CAPN12: variants seen among roughly 807,000 people sequenced by gnomAD.
CAPN12 encodes the protein calpain 12, also known as calpain-12.
A neutral mutation model predicts 95.0 loss-of-function variants in CAPN12; 107 were observed. The observed-to-expected ratio is 1.13, with a 90% CI of 0.96 to 1.32. The LOEUF is 1.32. CAPN12 is among the 40% of genes most tolerant of loss of function. CAPN12 has a pLI of 0.00. For missense variants in CAPN12, 1,136 were observed against 997.8 expected (o/e 1.14, Z -1.87); for synonymous variants, 505 against 415.5 (o/e 1.22, Z -2.62).
rs1970132377 is a variant in CAPN12, at chr19:38,736,240, C to T, written c.1453G>A (p.Ala485Thr). 4.0e-6 allele frequency: 6 copies of T among 1,485,040 alleles called. No individual in the cohort carries two copies. Among genetic ancestry groups the T allele is most frequent in the African/African-American group, 1.5e-5 (1 of 67,924 alleles). 92.0% of individuals were successfully genotyped at this position (1,485,040 alleles called of 1,614,324 possible). A position where few individuals can be genotyped will look rare whatever the true frequency, so the allele number is the denominator to read the frequency against. Reference protein sequence around the residue: ...LLRADRSPLSARRDVTRRCCL... With the variant: ...LLRADRSPLSTRRDVTRRCCL... ...CAGCGGCGGGTCACGTCGCGGCGGG[C>T]GCTGAGGGGCGAGCGGTCGGCGCGC... The change falls in exon 12 of 21, where the codon GCC becomes ACC. Residue 485 changes from alanine to threonine, a missense_variant. Physicochemically the swap from Ala to Thr is moderately conservative, Grantham distance 58 (BLOSUM62 0). Transcript: ENST00000328867.
At chr19:38,736,655 C>CT in intron 10 of CAPN12, 92 bp from the exon 11 acceptor site, 1 of 1,336,220 alleles carries the variant, frequency 7.5e-7, no homozygotes, top group Non-Finnish European at 1.0e-6. Context: ...TCTGTGCTCT[C>CT]TCCCTCCTTC....
In CAPN12 at chr19:38,741,827, C is replaced by G; in HGVS notation, c.510G>C (p.Ser170=). The G allele has an allele frequency of 6.2e-7, 1 of 1,614,072 alleles. No homozygotes were observed. Among genetic ancestry groups the G allele is most frequent in the South Asian group, 1.1e-5 (1 of 91,072 alleles). ...VREGKLMFVR[S]EQRNEFWAPL... is the part of the protein sequence containing the mutation. ...GGGCCCAGAACTCATTCCGCTGTTC[C>G]GAGCGCACGAACATCAGCTTCCCCT... The change falls in exon 4 of 21, where the codon TCG becomes TCC. Residue 170 remains serine, a synonymous_variant. Coordinates refer to ENST00000328867, the MANE Select transcript of CAPN12 (RefSeq NM_144691.4).
chr19:38,740,087 G>C lies in CAPN12; in HGVS notation c.693C>G (p.Ala231=). ...SMGLFSALRH[A]LAKESLVGAT... Reference sequence around the variant, plus strand: ...CGCCCACGAGGGACTCCTTGGCCAGGGCATGGCGCAGGGCAGAGAACAGCC... The same window carrying C: ...CGCCCACGAGGGACTCCTTGGCCAGCGCATGGCGCAGGGCAGAGAACAGCC... Residue 231 remains alanine, a synonymous_variant, in exon 5 of 21, where the codon GCC becomes GCG. Transcript: ENST00000328867. 6.2e-7 allele frequency: 1 copy of C among 1,608,822 alleles called. No individual in the cohort carries two copies. The highest frequency in any genetic ancestry group is 8.5e-7 in the Non-Finnish European group (1 of 1,177,382).
Position 38,744,058 on chromosome 19 carries a change from C to A in CAPN12, c.108G>T (p.Arg36=). The A allele has an allele frequency of 6.2e-7, 1 of 1,614,198 alleles. No individual in the cohort carries two copies. Among genetic ancestry groups the A allele is most frequent in the African/African-American group, 1.3e-5 (1 of 75,052 alleles). ...GGATCCCCGAATCCAGGCAGGCTGC[C>A]CGAATTGCCTCATAGCTCTGGCCCC... ...LFRGQSYEAI[R]AACLDSGILF... The change falls in exon 1 of 21, where the codon CGG becomes CGT. Residue 36 remains arginine, a synonymous_variant. Transcript: ENST00000328867.
At position 38,736,234 on chromosome 19, in the gene CAPN12, G is replaced by A. The variant is rs1406110417; in HGVS notation, c.1459C>T (p.Arg487Cys). Residue 487 changes from arginine (R) to cysteine (C), a missense_variant, in exon 12 of 21, where the codon CGC (arginine) becomes TGC (cysteine). Arg to Cys is a radical substitution (Grantham distance 180). Transcript: ENST00000328867. ...AGGCAGCAGCGGCGGGTCACGTCGC[G>A]GCGGGCGCTGAGGGGCGAGCGGTCG... ...RADRSPLSAR[R>C]DVTRRCCLRP... 2.8e-5 allele frequency: 42 copies of A among 1,494,928 alleles called. No individual in the cohort carries two copies. The highest frequency in any genetic ancestry group is 3.5e-5 in the Non-Finnish European group (40 of 1,128,220). The allele number at this position is 1,494,928 out of a possible 1,614,324, so 92.6% of individuals were successfully genotyped here.
Position 38,736,260 on chromosome 19 carries a change from G to C in CAPN12, c.1433C>G (p.Ala478Gly), listed in dbSNP as rs371768110. 193 of 1,464,438 alleles carry C rather than the reference G, an allele frequency of 1.3e-4. 4 individuals carry two copies. In the East Asian group the frequency reaches 4.6e-3, roughly 35 times the overall value. 90.7% of individuals were successfully genotyped at this position (1,464,438 alleles called of 1,614,324 possible). A position where few individuals can be genotyped will look rare whatever the true frequency, so the allele number is the denominator to read the frequency against. Residue 478 changes from alanine (A) to glycine (G), a missense_variant, in exon 12 of 21, where the codon GCC becomes GGC. Physicochemically the swap from Ala to Gly is moderately conservative, Grantham distance 60. Coordinates refer to ENST00000328867, the MANE Select transcript of CAPN12 (RefSeq NM_144691.4). ...GCGGGCGCTGAGGGGCGAGCGGTCG[G>C]CGCGCAGCAGCCGGGGCAGGAGCGC... ...SHALLPRLLR[A>G]DRSPLSARRD... is the part of the protein sequence containing the mutation.
rs1467282413 is a variant in CAPN12, at chr19:38,734,313, A to C, written c.1815+6T>G. ...CTCCCTCACCCAGGCACTGCCCCCC[A>C]TGTACCCCGAAACACTGCAGCAGCT... On this transcript the variant is annotated splice_donor_region_variant and intron_variant, in intron 16 of 20. Transcript: ENST00000328867. 6.2e-7 allele frequency: 1 copy of C among 1,606,016 alleles called. No homozygotes were observed. Among genetic ancestry groups the C allele is most frequent in the East Asian group, 2.2e-5 (1 of 44,732 alleles).
chr19:38,744,536 G>C (rs1048694001), upstream of CAPN12: 6 of 330,630 alleles, frequency 1.8e-5, no homozygotes, highest in Non-Finnish European at 2.3e-5. Context: ...GGTTTACCTC[G>C]GTGTCTCTAT....
chr19:38,742,393 G>A lies in CAPN12; in HGVS notation c.426+17C>T. ...CATGGGGGAAACGGAGGCATGGGCAGAGGAACTGAGCTGTACCTGGAAGTG... is the reference window on the plus strand; with the variant it reads ...CATGGGGGAAACGGAGGCATGGGCAAAGGAACTGAGCTGTACCTGGAAGTG... On this transcript the variant is annotated intron_variant, in intron 3 of 20. Transcript: ENST00000328867. The A allele has an allele frequency of 6.4e-7, 1 of 1,560,880 alleles. No homozygotes were observed. Among genetic ancestry groups the A allele is most frequent in the South Asian group, 1.1e-5 (1 of 89,918 alleles).
In CAPN12 at chr19:38,744,272, A is replaced by G; in HGVS notation, c.-107T>C. 9.7e-7 allele frequency: 1 copy of G among 1,028,094 alleles called. No individual in the cohort carries two copies. The highest frequency in any genetic ancestry group is 1.8e-5 in the Admixed American group (1 of 54,416). The allele number at this position is 1,028,094 out of a possible 1,614,324, so 63.7% of individuals were successfully genotyped here. A position where few individuals can be genotyped will look rare whatever the true frequency, so the allele number is the denominator to read the frequency against. On this transcript the variant is annotated 5_prime_UTR_variant, in exon 1 of 21. Transcript: ENST00000328867. ...CCAGTGGGGTCTTTAGGCAATGAGG[A>G]GCCTTCCCTCGTTAATATTAATTGA...
At chr19:38,735,622 G>A (rs574130077) in intron 12 of CAPN12, 78 bp from the exon 13 acceptor site, 1 of 1,462,316 alleles carries the variant, frequency 6.8e-7, no homozygotes, top group East Asian at 2.4e-5. Flanking sequence ...CTCAGGTGAG[G>A]AATCGCGTGG....
In CAPN12 at chr19:38,738,516, C is replaced by G. The variant is rs1052616007; in HGVS notation, c.805-13G>C. On this transcript the variant is annotated splice_polypyrimidine_tract_variant and intron_variant, in intron 6 of 20. Coordinates refer to ENST00000328867, the MANE Select transcript of CAPN12 (RefSeq NM_144691.4). ...AGCCCAGGAACACCTGGGGCAGCAT[C>G]GTCAGTGGGGGTGATGCCTGGACAT... 9 of 1,613,280 alleles carry G rather than the reference C, an allele frequency of 5.6e-6. No homozygotes were observed. The African/African-American group carries it at 1.1e-4, about 19-fold the overall frequency.
At chr19:38,733,827 G>A in intron 17 of CAPN12, 46 bp from the exon 18 acceptor site, 1 of 1,532,692 alleles carries the variant, frequency 6.5e-7, no homozygotes, top group Non-Finnish European at 9.0e-7. Flanking sequence ...GCCCTGAAGA[G>A]GGCTGCCAAT....
At chr19:38,732,662 A>G (rs1599882811) in intron 18 of CAPN12, among the ~76,000 whole-genome samples, 1 of 151,996 alleles carries the variant, frequency 6.6e-6, no homozygotes, top group South Asian at 2.1e-4. Flanking sequence ...ACACTTGACC[A>G]CCTTCTCTGG....
chr19:38,741,715 CTGTGGCTTGATGCCTGCTGT>C, intron 4 of CAPN12, 42 bp downstream of exon 4: 1 of 1,595,206 alleles, frequency 6.3e-7, no homozygotes, highest in Non-Finnish European at 8.6e-7. Flanking sequence ...CTGGGTCCCC[CTGTGGCTTGATGCCTGCTGT>C]GGGGACTTAG....
In CAPN12 at chr19:38,742,412, G is replaced by T. The variant is rs760312143; in HGVS notation, c.424C>A (p.Gln142Lys). 15 of 1,608,580 alleles carry T rather than the reference G, an allele frequency of 9.3e-6. No individual in the cohort carries two copies. The highest frequency in any genetic ancestry group is 1.3e-5 in the Non-Finnish European group (15 of 1,175,056). The change falls in exon 3 of 21, where the codon CAG becomes AAG. Residue 142 changes from glutamine to lysine, a missense_variant and splice_region_variant. Coordinates refer to ENST00000328867, the MANE Select transcript of CAPN12 (RefSeq NM_144691.4). ...TGGGCAGAGGAACTGAGCTGTACCT[G>T]GAAGTGGAAGACGCCTGCGTAGCCA... ...QHGYAGVFHF[Q>K]LWQFGRWMDV...
In CAPN12 at chr19:38,731,222, G is replaced by C; in HGVS notation, c.1959C>G (p.Gly653=). Residue 653 remains glycine (G), a splice_region_variant and synonymous_variant, in exon 19 of 21, where the codon GGC becomes GGG. Coordinates refer to ENST00000328867, the MANE Select transcript of CAPN12 (RefSeq NM_144691.4). The stretch of plus-strand genomic sequence containing the variant: ...GGGTCAGCTGGTTGTTCAGGTGGAA[G>C]CCTAGGGGGAGGCTGCTTCTGAGCC... ...YELRLALNAA[G]FHLNNQLTQT... is the part of the protein sequence containing the mutation. The C allele has an allele frequency of 6.2e-7, 1 of 1,612,170 alleles. No homozygotes were observed. The highest frequency in any genetic ancestry group is 8.5e-7 in the Non-Finnish European group (1 of 1,179,696).
In CAPN12 at chr19:38,738,573, C is replaced by T. The variant is rs1336002614; in HGVS notation, c.804+1G>A. ...CCACCCCACCCATGGGGGACACTTACCTTGTGTGTGCCCGTGATGGAATAC... is the reference window on the plus strand; with the variant it reads ...CCACCCCACCCATGGGGGACACTTATCTTGTGTGTGCCCGTGATGGAATAC... On this transcript the variant is annotated splice_donor_variant, in intron 6 of 20. Transcript: ENST00000328867. LOFTEE classifies it high-confidence loss of function. 1.9e-6 allele frequency: 3 copies of T among 1,613,862 alleles called. No individual in the cohort carries two copies. The African/African-American group carries it at 4.0e-5, about 22-fold the overall frequency.
chr19:38,735,573 G>A (rs750797286), intron 12 of CAPN12, 29 bp from the exon 13 acceptor site: 6 of 1,605,414 alleles, frequency 3.7e-6, no homozygotes, highest in Admixed American at 1.7e-5. Flanking sequence ...AAGTGGGGAG[G>A]GGGCTGTTTG....
Sources: gnomAD v4.1 joint callset for allele counts (sites outside exome capture counted in the v4.1 genomes callset) on GRCh38, gnomAD v4.1.1 for gene constraint, MANE v1.5 for transcripts, NCBI Gene and HGNC (gene_info 2026-07-23, HGNC 2026-07-21) for gene names.